Variants in DCDC2 observed in about 807,000 individuals in gnomAD.
The protein encoded by DCDC2 is doublecortin domain containing 2, also known as doublecortin domain-containing protein 2.
A neutral mutation model predicts 50.2 loss-of-function variants in DCDC2; 40 were observed. The observed-to-expected ratio is 0.80, with a 90% CI of 0.62 to 1.04. The LOEUF (loss-of-function observed/expected upper bound fraction) is 1.04. Ranked by LOEUF, DCDC2 falls within the 50% of genes least tolerant of loss-of-function variation. The pLI is 0.00. For synonymous variants in DCDC2, 234 were observed against 210.6 expected (o/e 1.11, Z -0.96); for missense variants, 570 against 581.9 (o/e 0.98, Z 0.21).
At chr6:24,364,087 C>G in the DCDC2 span, among the ~76,000 whole-genome samples, 1 of 152,036 alleles carries the variant, frequency 6.6e-6, no homozygotes, top group East Asian at 1.9e-4. Context: ...AGCCCCTTAT[C>G]CCCCCATTCC....
chr6:24,374,577 C>CAAAAAAA, the DCDC2 span, among the ~76,000 whole-genome samples: 18 of 57,464 alleles, frequency 3.1e-4, no homozygotes, highest in South Asian at 2.0e-3. Flanking sequence ...AGACTCCATC[C>CAAAAAAA]AAAAAAAAAA....
At chr6:24,307,561 A>G (rs1322857348) in intron 2 of DCDC2, among the ~76,000 whole-genome samples, 2 of 152,204 alleles carry the variant, frequency 1.3e-5, no homozygotes, top group Non-Finnish European at 2.9e-5. Context: ...AACTGTTACT[A>G]CTTAGCAAAC....
chr6:24,379,957 G>A, the DCDC2 span, among the ~76,000 whole-genome samples: 3 of 147,052 alleles, frequency 2.0e-5, no homozygotes, highest in South Asian at 2.1e-4. Flanking sequence ...ACCAAACACC[G>A]CATGTTCTCA....
At chr6:24,259,191 T>C (rs1035155952) in intron 7 of DCDC2, among the ~76,000 whole-genome samples, 8 of 151,948 alleles carry the variant, frequency 5.3e-5, no homozygotes, top group African/African-American at 1.9e-4. Context: ...AATTTGTGCA[T>C]GTAGGATGTA....
At chr6:24,202,538 CA>C (rs1761611564) in intron 8 of DCDC2, among the ~76,000 whole-genome samples, 1 of 152,130 alleles carries the variant, frequency 6.6e-6, no homozygotes, top group African/African-American at 2.4e-5. Flanking sequence ...ACTGAATGGG[CA>C]AAAGCTGGAA....
the DCDC2 span, among the ~76,000 whole-genome samples, chr6:24,372,577 T>C: frequency 6.6e-6 from 1 of 152,162 alleles, no homozygotes; most frequent in African/African-American, 2.4e-5. Flanking sequence ...CATGGAATAC[T>C]GTGCAGCCAT....
chr6:24,204,323 T>G (rs1440580844), intron 8 of DCDC2, among the ~76,000 whole-genome samples: 2 of 152,218 alleles, frequency 1.3e-5, no homozygotes, highest in Non-Finnish European at 2.9e-5. Flanking sequence ...AAGGATGTGT[T>G]CGTGTCTTTT....
chr6:24,233,989 C>T (rs1762389620), intron 7 of DCDC2, among the ~76,000 whole-genome samples: 1 of 152,106 alleles, frequency 6.6e-6, no homozygotes, highest in South Asian at 2.1e-4. Context: ...GTGGACCCTG[C>T]CTTTAACTAG....
chr6:24,205,317 C>T, intron 7 of DCDC2: 8 of 1,531,324 alleles, frequency 5.2e-6, no homozygotes, highest in Non-Finnish European at 6.2e-6. Context: ...ACAAGGCTGA[C>T]CCAGCAGGGT....
At chr6:24,285,829 C>T (rs1034476066) in intron 6 of DCDC2, among the ~76,000 whole-genome samples, 3 of 152,188 alleles carry the variant, frequency 2.0e-5, no homozygotes, top group Non-Finnish European at 4.4e-5. Flanking sequence ...TTGGTCCTGA[C>T]ATCGACTTTC....
In DCDC2 at chr6:24,210,682, T is replaced by G. The variant is rs78683868; in HGVS notation, c.923-5580A>C. ...TCCCTCTTCTTCCACTCTTGCTAGC[T>G]CATAATCATCCTCCATACAATAGCC... is the stretch of plus-strand genomic sequence containing the variant. On this transcript the variant is annotated intron_variant, in intron 7 of 9. Transcript: ENST00000378454. Among the ~76,000 whole-genome samples the G allele has an allele frequency of 8.1e-4, 123 of 152,332 alleles. 1 individual carries two copies. In the East Asian group the frequency reaches 0.022, roughly 27 times the overall value.
At chr6:24,202,446 A>C (rs2113759601) in intron 8 of DCDC2, among the ~76,000 whole-genome samples, 1 of 152,342 alleles carries the variant, frequency 6.6e-6, no homozygotes, top group African/African-American at 2.4e-5. Flanking sequence ...TTCATGCTAA[A>C]AATTCTCAAT....
intron 7 of DCDC2, among the ~76,000 whole-genome samples, chr6:24,209,117 A>G (rs1761798105): frequency 1.3e-5 from 2 of 152,260 alleles, no homozygotes; most frequent in African/African-American, 4.8e-5. Flanking sequence ...TGTCGATGCC[A>G]TCGTAAAAAG....
the DCDC2 span, among the ~76,000 whole-genome samples, chr6:24,381,918 GAGAA>G: frequency 7.5e-6 from 1 of 133,404 alleles, no homozygotes; most frequent in Admixed American, 8.4e-5. Flanking sequence ...AAAGAAAAGA[GAGAA>G]AGAGAAAGAA....
chr6:24,251,208 G>C (rs781374937), intron 7 of DCDC2, among the ~76,000 whole-genome samples: 1 of 152,134 alleles, frequency 6.6e-6, no homozygotes, highest in Non-Finnish European at 1.5e-5. Flanking sequence ...AAATCGCCTT[G>C]GTTGAGGCAA....
chr6:24,189,216 A>T (rs1384110843), intron 8 of DCDC2, among the ~76,000 whole-genome samples: 1 of 152,130 alleles, frequency 6.6e-6, no homozygotes, highest in Non-Finnish European at 1.5e-5. Flanking sequence ...AAGGTCTGGT[A>T]GTTGTTTCCT....
intron 7 of DCDC2, among the ~76,000 whole-genome samples, chr6:24,223,394 C>T (rs1429744710): frequency 6.6e-6 from 1 of 152,170 alleles, no homozygotes; most frequent in South Asian, 2.1e-4. Flanking sequence ...ACATGAAGAG[C>T]GCTTTGTGGT....
chr6:24,271,308 A>C (rs1405175543), intron 7 of DCDC2, among the ~76,000 whole-genome samples: 1 of 152,066 alleles, frequency 6.6e-6, no homozygotes, highest in Non-Finnish European at 1.5e-5. Flanking sequence ...AATTAAGAAA[A>C]GGCTGTGAAA....
rs113338820 is a variant in DCDC2 at position 24,230,232 on chromosome 6, G to A, written c.923-25130C>T. The stretch of plus-strand genomic sequence containing the variant: ...TCTCATATGACTTACATTTGGGAAG[G>A]AGGCGGCCAATGGAGAGTGACAAGG... On this transcript the variant is annotated intron_variant, in intron 7 of 9. Coordinates refer to ENST00000378454, the MANE Select transcript of DCDC2 (RefSeq NM_016356.5). Among the ~76,000 whole-genome samples the A allele has an allele frequency of 5.1e-3, 784 of 152,284 alleles. 7 individuals carry two copies. The highest frequency in any genetic ancestry group is 7.2e-3 in the Non-Finnish European group (493 of 68,026).
Sources: gnomAD v4.1 joint callset for allele counts (sites outside exome capture counted in the v4.1 genomes callset) on GRCh38, gnomAD v4.1.1 for gene constraint, MANE v1.5 for transcripts, NCBI Gene and HGNC (gene_info 2026-07-23, HGNC 2026-07-21) for gene names.